The following SEPTIN9 variants were observed in gnomAD, a reference collection of about 807,000 sequenced individuals.
SEPTIN9 encodes the protein septin-9.
Under a neutral mutation model 56.6 loss-of-function variants are expected in SEPTIN9, and 13 were observed. The observed-to-expected ratio is 0.23, with a 90% confidence interval of 0.15 to 0.37. The LOEUF is 0.37. Ranked by LOEUF, SEPTIN9 falls within the 10% of genes least tolerant of loss-of-function variation. SEPTIN9 has a pLI of 1.00. For synonymous variants in SEPTIN9, 332 were observed against 334.1 expected, an observed-to-expected ratio of 0.99 and a Z score of 0.07; for missense variants, 650 against 823.1, an observed-to-expected ratio of 0.79 and a Z score of 2.57.
chr17:77,394,096 G>C (rs58074105), intron 2 of SEPTIN9, among the ~76,000 whole-genome samples: 9,674 of 152,200 alleles, frequency 0.064, 1,029 homozygotes, highest in African/African-American at 0.22. Context: ...AGGCCTTTGG[G>C]CCTCGTCCCC....
At chr17:77,454,070 G>A in intron 3 of SEPTIN9, 1 of 985,670 alleles carries the variant, frequency 1.0e-6, no homozygotes, top group Non-Finnish European at 1.2e-6. Flanking sequence ...TGGGAAGAGG[G>A]CTTTATTTCA....
intron 4 of SEPTIN9, chr17:77,484,092 A>G (rs2039567120): frequency 6.6e-6 from 1 of 152,326 alleles, no homozygotes; most frequent in South Asian, 2.1e-4. Flanking sequence ...GGATCATCCC[A>G]TAAAGTGAGA....
Position 77,482,346 on chromosome 17 carries a change from A to G in SEPTIN9, c.913+11A>G. 1.2e-6 allele frequency: 2 copies of G among 1,610,112 alleles called. No homozygotes were observed. The highest frequency in any genetic ancestry group is 1.7e-6 in the Non-Finnish European group (2 of 1,179,644). On this transcript the variant is annotated intron_variant, in intron 4 of 11. Transcript: ENST00000427177. ...ACATCATGGTGGTCGGTGAGTCCTC[A>G]CCTTGCATGCCACTCAACCAATGCC...
rs751646030 is a variant in SEPTIN9 at position 77,323,523 on chromosome 17, G to A, written c.76+16326G>A. Among the ~76,000 whole-genome samples, 1 of 152,196 alleles carries A rather than the reference G, an allele frequency of 6.6e-6. No individual in the cohort carries two copies. Among genetic ancestry groups the A allele is most frequent in the Non-Finnish European group, 1.5e-5 (1 of 68,040 alleles). On this transcript the variant is annotated intron_variant, in intron 2 of 11. Coordinates refer to ENST00000427177, the MANE Select transcript of SEPTIN9 (RefSeq NM_001113491.2). This position sits in a 1 kb window ranked among gnomAD's most constrained non-coding sequence, Gnocchi z 6.8. ...GCATGGTCATGAATGCAGGCCCGGG[G>A]TCCTGGAGGGGGCTTGGCCACGCTG...
chr17:77,482,100 T>C, intron 3 of SEPTIN9, 44 bp from the exon 4 acceptor site: 1 of 1,509,110 alleles, frequency 6.6e-7, no homozygotes, highest in Non-Finnish European at 8.9e-7. Flanking sequence ...CGCCTGTGTG[T>C]GAGCCCCTGT....
At chr17:77,379,064 C>A (rs1456290132) in intron 2 of SEPTIN9, among the ~76,000 whole-genome samples, 1 of 152,246 alleles carries the variant, frequency 6.6e-6, no homozygotes, top group East Asian at 1.9e-4. Context: ...CATTCTCATC[C>A]AGCAGGCCTC....
intron 3 of SEPTIN9, among the ~76,000 whole-genome samples, chr17:77,430,843 T>C (rs2037100103): frequency 6.6e-6 from 1 of 151,820 alleles, no homozygotes; most frequent in Admixed American, 6.6e-5. Context: ...ATACAAAAAT[T>C]AGCCAGGTAT....
chr17:77,430,712 C>T (rs369824703), intron 3 of SEPTIN9, among the ~76,000 whole-genome samples: 4 of 152,086 alleles, frequency 2.6e-5, no homozygotes, highest in South Asian at 2.1e-4. Context: ...AGAAGCAGGC[C>T]GAGGGTGGTG....
At chr17:77,494,785 C>T (rs1275454582) in intron 10 of SEPTIN9, among the ~76,000 whole-genome samples, 3 of 152,210 alleles carry the variant, frequency 2.0e-5, no homozygotes, top group Non-Finnish European at 2.9e-5. Flanking sequence ...CTGCACCAGA[C>T]TCCCTCGAGA....
chr17:77,354,270 G>C (rs1217527534), intron 2 of SEPTIN9, among the ~76,000 whole-genome samples: 1 of 152,194 alleles, frequency 6.6e-6, no homozygotes, highest in African/African-American at 2.4e-5. Context: ...GAGGAAACAG[G>C]CGTAGAGGGA....
intron 3 of SEPTIN9, among the ~76,000 whole-genome samples, chr17:77,478,334 A>T (rs1260983682): frequency 4.6e-5 from 7 of 152,186 alleles, no homozygotes; most frequent in South Asian, 2.1e-4. Flanking sequence ...TCCTCAAAAA[A>T]CGAAAACTAG....
intron 1 of SEPTIN9, among the ~76,000 whole-genome samples, chr17:77,290,120 C>T (rs938957960): frequency 7.9e-5 from 12 of 152,122 alleles, no homozygotes; most frequent in African/African-American, 2.9e-4. Flanking sequence ...GTGGACGCTC[C>T]TCCTTGATGG....
chr17:77,316,704 C>T (rs899459346), intron 2 of SEPTIN9, among the ~76,000 whole-genome samples: 1 of 137,978 alleles, frequency 7.2e-6, no homozygotes, highest in East Asian at 2.0e-4. Context: ...TCTTCCTCTT[C>T]TTTTTTTTTT....
chr17:77,480,559 G>A (rs1334322582), intron 3 of SEPTIN9, among the ~76,000 whole-genome samples: 1 of 152,226 alleles, frequency 6.6e-6, no homozygotes, highest in African/African-American at 2.4e-5. Context: ...GTGAGGAGTG[G>A]GCGTGGGCCG....
intron 3 of SEPTIN9, among the ~76,000 whole-genome samples, chr17:77,477,513 C>G (rs917426423): frequency 6.6e-6 from 1 of 152,188 alleles, no homozygotes; most frequent in Non-Finnish European, 1.5e-5. Context: ...TGACTCAGCA[C>G]GTTGGGTTTC....
chr17:77,457,497 G>A (rs1314884649), intron 3 of SEPTIN9, among the ~76,000 whole-genome samples: 1 of 152,208 alleles, frequency 6.6e-6, no homozygotes, highest in African/African-American at 2.4e-5. Context: ...CCGTGTTTAT[G>A]CGCTGGGCCT....
chr17:77,354,350 A>G (rs2034155582), intron 2 of SEPTIN9, among the ~76,000 whole-genome samples: 1 of 152,148 alleles, frequency 6.6e-6, no homozygotes, highest in Non-Finnish European at 1.5e-5. Flanking sequence ...GGCAGGCGCT[A>G]GTTTCCCTCT....
chr17:77,485,818 C>T (rs529306247), intron 4 of SEPTIN9, among the ~76,000 whole-genome samples: 1 of 152,184 alleles, frequency 6.6e-6, no homozygotes, highest in Non-Finnish European at 1.5e-5. Flanking sequence ...AAAGTCAGAA[C>T]ATCAGTGTAA....
At chr17:77,408,499 C>T (rs375836354) in intron 3 of SEPTIN9, among the ~76,000 whole-genome samples, 15 of 152,178 alleles carry the variant, frequency 9.9e-5, no homozygotes, top group East Asian at 7.7e-4. Flanking sequence ...TGGTCCGCAC[C>T]GGGCCGTGTG....
Sources: gnomAD v4.1 joint callset for allele counts (sites outside exome capture counted in the v4.1 genomes callset) on GRCh38, gnomAD v4.1.1 for gene constraint, Gnocchi (gnomAD v3.1) non-coding constraint, MANE v1.5 for transcripts, NCBI Gene and HGNC (gene_info 2026-07-23, HGNC 2026-07-21) for gene names.